The following HIKESHI variants were observed in gnomAD, a reference collection of about 807,000 sequenced individuals.
The protein encoded by HIKESHI is heat shock protein nuclear import factor hikeshi, also known as protein Hikeshi.
A neutral mutation model predicts 25.7 loss-of-function variants in HIKESHI; 13 were observed. The observed-to-expected ratio is 0.51, with a 90% confidence interval of 0.33 to 0.80. The LOEUF (loss-of-function observed/expected upper bound fraction) is 0.80, where lower values mean the gene tolerates loss of function less well. HIKESHI is among the 30% of genes least tolerant of loss of function. The pLI is 0.02. For missense variants in HIKESHI, 174 were observed against 229.5 expected (o/e 0.76, Z 1.56); for synonymous variants, 76 against 78.7 (o/e 0.97, Z 0.18).
intron 2 of HIKESHI, among the ~76,000 whole-genome samples, chr11:86,310,352 A>G (rs1219328719): frequency 6.6e-6 from 1 of 151,926 alleles, no homozygotes; most frequent in African/African-American, 2.4e-5. Context: ...TTCACTCATG[A>G]TTTGGCTCTC....
intron 3 of HIKESHI, among the ~76,000 whole-genome samples, chr11:86,340,909 T>C (rs1299802108): frequency 6.6e-6 from 1 of 152,142 alleles, no homozygotes; most frequent in East Asian, 1.9e-4. Flanking sequence ...TCCCAAAGTG[T>C]TGGGATTACA....
intron 2 of HIKESHI, among the ~76,000 whole-genome samples, chr11:86,319,178 G>T (rs954353376): frequency 2.7e-5 from 4 of 146,280 alleles, no homozygotes; most frequent in Non-Finnish European, 6.0e-5. Context: ...TTCCAGAAGT[G>T]CTGGGATTAT....
intron 2 of HIKESHI, among the ~76,000 whole-genome samples, chr11:86,311,693 A>T (rs942432680): frequency 1.3e-5 from 2 of 152,134 alleles, no homozygotes; most frequent in Non-Finnish European, 2.9e-5. Flanking sequence ...TCTTGTGGGC[A>T]TTTAGTGCTA....
intron 2 of HIKESHI, among the ~76,000 whole-genome samples, chr11:86,306,726 G>A (rs1215444588): frequency 2.0e-5 from 3 of 151,674 alleles, no homozygotes; most frequent in South Asian, 2.1e-4. Context: ...TTGGCCGGGC[G>A]CGGCGGCTCA....
Position 86,344,698 on chromosome 11 carries a change from T to C in HIKESHI, c.516T>C (p.Ile172=), listed in dbSNP as rs1174504169. 1 of 1,609,628 alleles carries C rather than the reference T, an allele frequency of 6.2e-7. No individual in the cohort carries two copies. The highest frequency in any genetic ancestry group is 8.5e-7 in the Non-Finnish European group (1 of 1,176,044). The change falls in exon 4 of 5, where the codon ATT becomes ATC. Residue 172 remains isoleucine (I), a synonymous_variant. Coordinates refer to ENST00000278483, the MANE Select transcript of HIKESHI (RefSeq NM_016401.4). ...CACCAAGCCCATCTGAAATGTTCAT[T>C]CCGGCAAATGTGGTTCTGAAATGGT... is the stretch of plus-strand genomic sequence containing the variant. ...QMTPSPSEMF[I]PANVVLKWYE...
At chr11:86,313,330 A>G (rs762263026) in intron 2 of HIKESHI, among the ~76,000 whole-genome samples, 1 of 152,132 alleles carries the variant, frequency 6.6e-6, no homozygotes, top group African/African-American at 2.4e-5. Flanking sequence ...TCCCGGGTTC[A>G]AGTGATTCTC....
intron 2 of HIKESHI, among the ~76,000 whole-genome samples, chr11:86,315,727 T>C (rs1234168753): frequency 6.6e-6 from 1 of 152,036 alleles, no homozygotes; most frequent in East Asian, 1.9e-4. Context: ...AGTTGTACTT[T>C]ATAAGAGGAA....
chr11:86,336,697 A>G (rs1258104196), intron 2 of HIKESHI, among the ~76,000 whole-genome samples: 1 of 152,218 alleles, frequency 6.6e-6, no homozygotes, highest in African/African-American at 2.4e-5. Context: ...ATGCTCAGAA[A>G]CTTCTCAAAT....
intron 2 of HIKESHI, among the ~76,000 whole-genome samples, chr11:86,318,682 A>G (rs939770097): frequency 1.3e-5 from 2 of 152,196 alleles, no homozygotes; most frequent in African/African-American, 4.8e-5. Flanking sequence ...ATTCAAGCAT[A>G]TAGAAAAGCA....
At position 86,337,470 on chromosome 11, in the gene HIKESHI, T is replaced by C. The variant is rs769754242; in HGVS notation, c.360T>C (p.Ser120=). ...GAATTTCAGTGGAATTATTAGACAG[T>C]ATGGCTCAGCAGACTCCTGTAGGTA... ...QIGISVELLD[S]MAQQTPVGNA... The change falls in exon 3 of 5, where the codon AGT becomes AGC. Residue 120 remains serine (S), a synonymous_variant. Transcript: ENST00000278483. The C allele has an allele frequency of 1.2e-6, 2 of 1,614,084 alleles. No homozygotes were observed. The highest frequency in any genetic ancestry group is 1.7e-6 in the Non-Finnish European group (2 of 1,179,970).
At chr11:86,310,887 C>A (rs887454931) in intron 2 of HIKESHI, among the ~76,000 whole-genome samples, 58 of 152,128 alleles carry the variant, frequency 3.8e-4, no homozygotes. Flanking sequence ...TATGTTGAAC[C>A]AGCCTTGCAT....
At chr11:86,331,722 A>G (rs762847199) in intron 2 of HIKESHI, among the ~76,000 whole-genome samples, 3 of 152,178 alleles carry the variant, frequency 2.0e-5, no homozygotes, top group Non-Finnish European at 4.4e-5. Context: ...CTAGTGTAAA[A>G]TTACTGATAA....
intron 4 of HIKESHI, chr11:86,345,213 A>G: frequency 1.1e-6 from 1 of 897,676 alleles, no homozygotes; most frequent in Non-Finnish European, 1.4e-6. Context: ...GAATTTTGGC[A>G]TAATGTAGCT....
chr11:86,321,894 G>T (rs112450587), intron 2 of HIKESHI, among the ~76,000 whole-genome samples: 4,915 of 152,178 alleles, frequency 0.032, 122 homozygotes, highest in Non-Finnish European at 0.05. Context: ...ATCAACACTT[G>T]GTATGGTCAG....
At chr11:86,310,924 G>T (rs1340451019) in intron 2 of HIKESHI, among the ~76,000 whole-genome samples, 1 of 152,174 alleles carries the variant, frequency 6.6e-6, no homozygotes, top group African/African-American at 2.4e-5. Context: ...ACTTGATCAT[G>T]GTGGATAAGC....
chr11:86,324,664 G>C (rs1161485127), intron 2 of HIKESHI, among the ~76,000 whole-genome samples: 4 of 152,092 alleles, frequency 2.6e-5, no homozygotes, highest in African/African-American at 9.7e-5. Context: ...ATTTGTAATA[G>C]GTTTATATTT....
chr11:86,325,318 A>G (rs990632850), intron 2 of HIKESHI, among the ~76,000 whole-genome samples: 1 of 152,134 alleles, frequency 6.6e-6, no homozygotes, highest in Non-Finnish European at 1.5e-5. Context: ...TGGGAGAACT[A>G]CATGTACTTG....
intron 2 of HIKESHI, among the ~76,000 whole-genome samples, chr11:86,318,386 TCTTC>T (rs1347589223): frequency 1.3e-5 from 2 of 150,034 alleles, no homozygotes; most frequent in Non-Finnish European, 3.0e-5. Flanking sequence ...AAAATATACC[TCTTC>T]CTTCCTCATG....
At chr11:86,320,304 A>G (rs1191395831) in intron 2 of HIKESHI, among the ~76,000 whole-genome samples, 1 of 152,234 alleles carries the variant, frequency 6.6e-6, no homozygotes, top group East Asian at 1.9e-4. Flanking sequence ...AGGGCTGGGC[A>G]TGGTGGCTCA....
Sources: allele counts gnomAD v4.1 joint callset (sites outside exome capture counted in the v4.1 genomes callset), GRCh38; gene constraint gnomAD v4.1.1; transcripts MANE v1.5; gene names NCBI Gene and HGNC (gene_info 2026-07-23, HGNC 2026-07-21).